The following KLHL13 variants were observed in gnomAD, a reference collection of about 807,000 sequenced individuals.
The protein encoded by KLHL13 is kelch-like protein 13.
In KLHL13, 10 loss-of-function variants were observed where a neutral mutation model predicts 37.1. The ratio of observed to expected loss-of-function variants is 0.27; its 90% CI spans 0.17 to 0.46. The LOEUF (loss-of-function observed/expected upper bound fraction) is 0.46, where lower values mean the gene tolerates loss of function less well. Ranked by LOEUF, KLHL13 falls within the 20% of genes least tolerant of loss-of-function variation. The pLI is 1.00. For missense variants in KLHL13, 360 were observed against 509.3 expected, an observed-to-expected ratio of 0.71 and a Z score of 2.82; for synonymous variants, 163 against 181.2, an observed-to-expected ratio of 0.90 and a Z score of 0.81.
chrX:117,900,353 T>G (rs1322160783), intron 6 of KLHL13, among the ~76,000 whole-genome samples: 1 of 112,269 alleles, frequency 8.9e-6, no homozygotes, highest in African/African-American at 3.2e-5. Context: ...TTCATTGTTT[T>G]GAAAATCAGC....
intron 5 of KLHL13, among the ~76,000 whole-genome samples, chrX:117,905,505 GCACACA>G (rs34703680): frequency 2.7e-4 from 28 of 103,275 alleles, no homozygotes; most frequent in South Asian, 8.6e-4. Flanking sequence ...GCTAGTGCGT[GCACACA>G]CACACACACA....
intron 1 of KLHL13, among the ~76,000 whole-genome samples, chrX:118,036,876 T>C (rs2054449954): frequency 9.5e-6 from 1 of 105,685 alleles, no homozygotes; most frequent in South Asian, 4.3e-4. Context: ...GAATCTACAA[T>C]GAACTCAAAC....
chrX:117,995,377 G>A (rs913790341), intron 1 of KLHL13, among the ~76,000 whole-genome samples: 1 of 111,847 alleles, frequency 8.9e-6, no homozygotes, highest in Admixed American at 9.5e-5. Flanking sequence ...TACTGGGTAA[G>A]TCTTATTTTT....
intron 1 of KLHL13, among the ~76,000 whole-genome samples, chrX:118,093,714 A>T (rs1253731124): frequency 9.0e-6 from 1 of 111,681 alleles, no homozygotes; most frequent in African/African-American, 3.3e-5. Context: ...ATTCAACAGC[A>T]TTACCTTCCT....
chrX:118,040,158 C>T (rs1281443010), intron 1 of KLHL13, among the ~76,000 whole-genome samples: 2 of 111,491 alleles, frequency 1.8e-5, no homozygotes, highest in African/African-American at 3.3e-5. Context: ...CAAGTCCACA[C>T]TGCAAAGATT....
At chrX:118,056,186 T>C (rs2054683599) in intron 1 of KLHL13, among the ~76,000 whole-genome samples, 1 of 111,589 alleles carries the variant, frequency 9.0e-6, no homozygotes, top group Admixed American at 9.5e-5. Context: ...CAATAAACAA[T>C]CTGAAAACGA....
chrX:117,978,239 T>A (rs1429035258), upstream of KLHL13, among the ~76,000 whole-genome samples: 1 of 112,218 alleles, frequency 8.9e-6, no homozygotes, highest in African/African-American at 3.2e-5. Context: ...CATCAAACAA[T>A]ACAAACAATG....
chrX:118,058,930 T>C (rs192241707), intron 1 of KLHL13, among the ~76,000 whole-genome samples: 6 of 111,804 alleles, frequency 5.4e-5, no homozygotes, highest in African/African-American at 1.9e-4. Context: ...CAAATGCACA[T>C]TCATGTTAGT....
intron 1 of KLHL13, among the ~76,000 whole-genome samples, chrX:118,036,883 A>C (rs1199876959): frequency 9.5e-5 from 10 of 105,596 alleles, no homozygotes; most frequent in East Asian, 3.0e-4. Flanking sequence ...CAATGAACTC[A>C]AACAAATTTA....
chrX:117,992,600 T>C (rs930930065), intron 1 of KLHL13, among the ~76,000 whole-genome samples: 8 of 110,022 alleles, frequency 7.3e-5, no homozygotes, highest in African/African-American at 2.6e-4. Context: ...GCTGGGCTTT[T>C]TTTTTTTCCT....
intron 1 of KLHL13, among the ~76,000 whole-genome samples, chrX:118,111,800 G>A (rs906803480): frequency 4.5e-5 from 5 of 112,146 alleles, no homozygotes; most frequent in Admixed American, 2.8e-4. Context: ...GCTGAGGTAG[G>A]AGAACCGCTT....
chrX:117,951,412 A>G (rs1254010850), intron 1 of KLHL13, among the ~76,000 whole-genome samples: 1 of 111,967 alleles, frequency 8.9e-6, no homozygotes, highest in Non-Finnish European at 1.9e-5. Flanking sequence ...TGAAAGTAAC[A>G]TCTATTAATA....
At chrX:118,040,334 G>C (rs916517338) in intron 1 of KLHL13, among the ~76,000 whole-genome samples, 7 of 111,338 alleles carry the variant, frequency 6.3e-5, no homozygotes, top group African/African-American at 2.0e-4. Context: ...CAAAATAGCT[G>C]TTTTGATGAA....
intron 2 of KLHL13, among the ~76,000 whole-genome samples, chrX:117,930,295 AGGC>A (rs1451023994): frequency 8.8e-5 from 9 of 102,042 alleles, no homozygotes; most frequent in African/African-American, 2.2e-4. Context: ...GAAGGAAGGC[AGGC>A]AGGCAGGCAG....
chrX:118,023,320 T>G lies in KLHL13; in HGVS notation c.-55-77745A>C, dbSNP rs189862787. On this transcript the variant is annotated intron_variant, in intron 1 of 6. Transcript: ENST00000371882. ...CTGAATTGTTGTTTCAGAGAGATAA[T>G]TTTTTCATATTATAAGTGCAAGTTT... 4.2e-3 allele frequency among the ~76,000 whole-genome samples: 464 copies of G among 111,583 alleles called. 5 individuals are homozygous for G. The highest frequency in any genetic ancestry group is 0.014 in the African/African-American group (433 of 30,761).
At chrX:117,918,771 C>A (rs949260600) in intron 4 of KLHL13, among the ~76,000 whole-genome samples, 37 of 111,627 alleles carry the variant, frequency 3.3e-4, no homozygotes, top group Admixed American at 5.7e-4. Context: ...TCTATGGAAT[C>A]AAGACTTACA....
chrX:118,028,729 G>A (rs1191796715), intron 1 of KLHL13, among the ~76,000 whole-genome samples: 4 of 111,914 alleles, frequency 3.6e-5, no homozygotes, highest in African/African-American at 1.3e-4. Flanking sequence ...AAATACTATT[G>A]ACTAAATTTC....
chrX:118,086,095 A>G (rs1405450705), intron 1 of KLHL13, among the ~76,000 whole-genome samples: 4 of 110,300 alleles, frequency 3.6e-5, no homozygotes, highest in Non-Finnish European at 7.6e-5. Flanking sequence ...GCGCCACCAC[A>G]GCCGGTTAAA....
At chrX:118,024,353 C>A (rs899223974) in intron 1 of KLHL13, among the ~76,000 whole-genome samples, 5 of 111,554 alleles carry the variant, frequency 4.5e-5, no homozygotes, top group East Asian at 2.8e-4. Context: ...GCAAAGATTT[C>A]TTGGGCAAGA....
Sources: allele counts gnomAD v4.1 joint callset (sites outside exome capture counted in the v4.1 genomes callset), GRCh38; gene constraint gnomAD v4.1.1; transcripts MANE v1.5; gene names NCBI Gene and HGNC (gene_info 2026-07-23, HGNC 2026-07-21).